Variants in PLA2G2E observed in about 807,000 individuals in gnomAD.
PLA2G2E encodes group IIE secretory phospholipase A2.
PLA2G2E carries 14 observed loss-of-function variants against 16.5 expected under a neutral mutation model. The ratio of observed to expected loss-of-function variants is 0.85; its 90% CI spans 0.56 to 1.33. The LOEUF is 1.33. Ranked by LOEUF, PLA2G2E falls within the 40% of genes most tolerant of loss-of-function variation. PLA2G2E has a pLI of 0.00. For missense variants in PLA2G2E, 174 were observed against 190.7 expected (o/e 0.91, Z 0.52); for synonymous variants, 72 against 77.2 (o/e 0.93, Z 0.36).
At chr1:19,922,528 C>G in intron 2 of PLA2G2E, 89 bp downstream of exon 2, 2 of 1,568,496 alleles carry the variant, frequency 1.3e-6, no homozygotes, top group Non-Finnish European at 1.7e-6. Flanking sequence ...TCCAGGTGCC[C>G]CCAGGCTTCC....
chr1:19,920,447 C>A lies in PLA2G2E; in HGVS notation c.289G>T (p.Gly97Cys). 6.2e-7 allele frequency: 1 copy of A among 1,613,286 alleles called. No homozygotes were observed. Among genetic ancestry groups the A allele is most frequent in the South Asian group, 1.1e-5 (1 of 91,040 alleles). Reference sequence around the variant, plus strand: ...GTCAGCCGCTGGCAGGTGGTCCTGCCGGCTGGATGGGACAAAGTGAGTCAG... The same window carrying A: ...GTCAGCCGCTGGCAGGTGGTCCTGCAGGCTGGATGGGACAAAGTGAGTCAG... ...SVSERGIFCA[G>C]RTTCQRLTCE... The change falls in exon 4 of 4, where the codon GGC becomes TGC. Residue 97 changes from glycine (G) to cysteine (C), a missense_variant and splice_region_variant. Gly to Cys is a radical substitution (Grantham distance 159). Transcript: ENST00000375116. The surrounding 1 kb of genome is among the most constrained non-coding windows in gnomAD (Gnocchi z 4.3).
chr1:19,922,673 G>A lies in PLA2G2E; in HGVS notation c.123C>T (p.Asp41=), dbSNP rs1371246499. The A allele has an allele frequency of 6.2e-7, 1 of 1,614,080 alleles. No individual in the cohort carries two copies. The highest frequency in any genetic ancestry group is 2.2e-5 in the East Asian group (1 of 44,866). Residue 41 remains aspartate, a synonymous_variant, in exon 2 of 4, where the codon GAC becomes GAT. Transcript: ENST00000375116. ...MTGKSALQYN[D]YGCYCGIGGS... ...CACCGATGCCGCAGTAACAGCCATA[G>A]TCGTTGTACTGCAGGGCGGACTTGC...
In PLA2G2E at chr1:19,920,112, T is replaced by G. The variant is rs1571197403; in HGVS notation, c.*195A>C. On this transcript the variant is annotated 3_prime_UTR_variant, in exon 4 of 4. Coordinates refer to ENST00000375116, the MANE Select transcript of PLA2G2E (RefSeq NM_014589.3). The surrounding 1 kb of genome is among the most constrained non-coding windows in gnomAD (Gnocchi z 4.3). ...AGGGTCCATGGCTCCTGGGGCAGGG[T>G]TCTTTCTACAGAGAAGGGGTAGCCT... 1.8e-6 allele frequency: 1 copy of G among 568,562 alleles called. No homozygotes were observed. Among genetic ancestry groups the G allele is most frequent in the Non-Finnish European group, 3.1e-6 (1 of 322,968 alleles). The allele number at this position is 568,562 out of a possible 1,614,324, so 35.2% of individuals were successfully genotyped here.
At position 19,922,760 on chromosome 1, in the gene PLA2G2E, A is replaced by AGAGAGGGAGAGGGAGAGGGAGGGGGAGG; in HGVS notation, c.41-6_41-5insCCTCCCCCTCCCTCTCCCTCTCCCTCTC. ...GGTTCCCGGTGACCAGAGCCACTGC[A>AGAGAGGGAGAGGGAGAGGGAGGGGGAGG]GAGAGGGAGAGGGAGAGGGAGAGGG... On this transcript the variant is annotated splice_polypyrimidine_tract_variant and splice_region_variant and intron_variant, in intron 1 of 3. Coordinates refer to ENST00000375116, the MANE Select transcript of PLA2G2E (RefSeq NM_014589.3). 1 of 1,611,958 alleles carries AGAGAGGGAGAGGGAGAGGGAGGGGGAGG rather than the reference A, an allele frequency of 6.2e-7. No individual in the cohort carries two copies. The highest frequency in any genetic ancestry group is 8.5e-7 in the Non-Finnish European group (1 of 1,179,328).
chr1:19,921,524 G>A (rs1031512976), intron 3 of PLA2G2E, among the ~76,000 whole-genome samples: 1 of 152,168 alleles, frequency 6.6e-6, no homozygotes, highest in Non-Finnish European at 1.5e-5. Flanking sequence ...GACTCCCAGC[G>A]ACAGAGACTC....
chr1:19,922,443 C>A, intron 2 of PLA2G2E, 39 bp from the exon 3 acceptor site: 1 of 1,593,150 alleles, frequency 6.3e-7, no homozygotes, highest in Non-Finnish European at 8.6e-7. Context: ...ACCTGTGAGC[C>A]AGGCTGGGCT....
chr1:19,923,565 G>T lies in PLA2G2E; in HGVS notation c.-6C>A, dbSNP rs565307904. The T allele has an allele frequency of 1.3e-5, 20 of 1,550,320 alleles. No homozygotes were observed. The African/African-American group carries it at 1.6e-4, about 13-fold the overall frequency. On this transcript the variant is annotated 5_prime_UTR_variant, in exon 1 of 4. Transcript: ENST00000375116. ...AGCACGTGGGGAGATTTCATCCCAGGTTGGGGGGAAGGGAGGTGCACAAGG... is the reference window on the plus strand; with the variant it reads ...AGCACGTGGGGAGATTTCATCCCAGTTTGGGGGGAAGGGAGGTGCACAAGG...
intron 3 of PLA2G2E, 124 bp downstream of exon 3, chr1:19,922,174 C>A (rs956052621): frequency 6.1e-6 from 4 of 660,642 alleles, no homozygotes; most frequent in African/African-American, 5.5e-5. Context: ...AAACCCCATG[C>A]CTCCAGCCCA....
At position 19,923,389 on chromosome 1, in the gene PLA2G2E, G is replaced by T. The variant is rs925298726; in HGVS notation, c.40+131C>A. The T allele has an allele frequency of 6.3e-5, 48 of 766,996 alleles. No homozygotes were observed. The African/African-American group carries it at 7.7e-4, about 12-fold the overall frequency. The allele number at this position is 766,996 out of a possible 1,614,324, so 47.5% of individuals were successfully genotyped here. A position where few individuals can be genotyped will look rare whatever the true frequency, so the allele number is the denominator to read the frequency against. ...GCAAAACTGGCCTCAGGGTCACCCT[G>T]GTGGCAGGAAGGGGGCAGCCTCCAG... On this transcript the variant is annotated intron_variant, in intron 1 of 3. Coordinates refer to ENST00000375116, the MANE Select transcript of PLA2G2E (RefSeq NM_014589.3).
chr1:19,922,925 G>T lies in PLA2G2E; in HGVS notation c.41-170C>A, dbSNP rs144685147. 1.6e-3 allele frequency among the ~76,000 whole-genome samples: 242 copies of T among 152,130 alleles called. 3 individuals are homozygous for T. Among genetic ancestry groups the T allele is most frequent in the Non-Finnish European group, 9.4e-4 (64 of 67,994 alleles). On this transcript the variant is annotated intron_variant, in intron 1 of 3. Transcript: ENST00000375116. ...AACCGTGGTAATAAGTAATAATATT[G>T]CCAGTGACATCCGTTGCACCTTCAT... is the stretch of plus-strand genomic sequence containing the variant.
intron 3 of PLA2G2E, among the ~76,000 whole-genome samples, chr1:19,921,863 T>A (rs1461109668): frequency 6.6e-6 from 1 of 152,200 alleles, no homozygotes; most frequent in African/African-American, 2.4e-5. Context: ...AGCCTGACAG[T>A]CCCATTGAGG....
Position 19,920,730 on chromosome 1 carries a change from G to A in PLA2G2E, c.287-281C>T, listed in dbSNP as rs2045807732. On this transcript the variant is annotated intron_variant, in intron 3 of 3. Coordinates refer to ENST00000375116, the MANE Select transcript of PLA2G2E (RefSeq NM_014589.3). This position sits in a 1 kb window ranked among gnomAD's most constrained non-coding sequence, Gnocchi z 4.3. ...CTCTCTCCGGCCTTAGGGACACCAC[G>A]TGGTTCCCTAACTCTCACTGCCCCC... Among the ~76,000 whole-genome samples, 1 of 152,142 alleles carries A rather than the reference G, an allele frequency of 6.6e-6. No individual in the cohort carries two copies. Among genetic ancestry groups the A allele is most frequent in the African/African-American group, 2.4e-5 (1 of 41,434 alleles).
intron 1 of PLA2G2E, 46 bp downstream of exon 1, chr1:19,923,474 G>C: frequency 6.6e-7 from 1 of 1,515,712 alleles, no homozygotes; most frequent in Non-Finnish European, 8.9e-7. Flanking sequence ...GGGAGCTTGG[G>C]GTTGCCAGAT....
chr1:19,922,336 T>C lies in PLA2G2E; in HGVS notation c.248A>G (p.Lys83Arg). 1 of 1,614,048 alleles carries C rather than the reference T, an allele frequency of 6.2e-7. No individual in the cohort carries two copies. The highest frequency in any genetic ancestry group is 8.5e-7 in the Non-Finnish European group (1 of 1,179,926). Residue 83 changes from lysine to arginine, a missense_variant, in exon 3 of 4, where the codon AAG becomes AGG. Transcript: ENST00000375116. Reference sequence around the variant, plus strand: ...ACGTTCGCTGACAGAGAAAAGATACTTTTCCAGTTTGGGCTCACAGCCCAG... The same window carrying C: ...ACGTTCGCTGACAGAGAAAAGATACCTTTCCAGTTTGGGCTCACAGCCCAG... ...EKLGCEPKLEKYLFSVSERGI... is the reference protein window; with the variant it reads ...EKLGCEPKLERYLFSVSERGI...
Position 19,922,417 on chromosome 1 carries a change from T to A in PLA2G2E, c.180-13A>T, listed in dbSNP as rs761679302. On this transcript the variant is annotated splice_polypyrimidine_tract_variant and intron_variant, in intron 2 of 3. Coordinates refer to ENST00000375116, the MANE Select transcript of PLA2G2E (RefSeq NM_014589.3). ...GGCGTGGCAGCACCTGTAAGGGTCA[T>A]GGTTGACCTGGAGGGACCTGTGAGC... is the stretch of plus-strand genomic sequence containing the variant. 2.5e-6 allele frequency: 4 copies of A among 1,610,282 alleles called. No homozygotes were observed. The Admixed American group carries it at 6.7e-5, about 27-fold the overall frequency.
chr1:19,922,676 G>T lies in PLA2G2E; in HGVS notation c.120C>A (p.Asn40Lys), dbSNP rs145303802. 2 of 1,613,984 alleles carry T rather than the reference G, an allele frequency of 1.2e-6. No homozygotes were observed. The highest frequency in any genetic ancestry group is 3.3e-5 in the Admixed American group (2 of 60,010). The change falls in exon 2 of 4, where the codon AAC becomes AAA. Residue 40 changes from asparagine (N) to lysine (K), a missense_variant. By Grantham distance (94) the Asn-to-Lys change is moderately conservative. Coordinates refer to ENST00000375116, the MANE Select transcript of PLA2G2E (RefSeq NM_014589.3). ...CGATGCCGCAGTAACAGCCATAGTC[G>T]TTGTACTGCAGGGCGGACTTGCCTG... Reference protein sequence around the residue: ...KMTGKSALQYNDYGCYCGIGG... With the variant: ...KMTGKSALQYKDYGCYCGIGG...
At position 19,923,608 on chromosome 1, in the gene PLA2G2E, A is replaced by G. The variant is rs1267049517; in HGVS notation, c.-49T>C. ...GCACAAGGAGCATAAAAGGCAGCAG[A>G]AGAAAGCAGCAGGGCCACCTCTGAT... is the stretch of plus-strand genomic sequence containing the variant. On this transcript the variant is annotated 5_prime_UTR_variant, in exon 1 of 4. Coordinates refer to ENST00000375116, the MANE Select transcript of PLA2G2E (RefSeq NM_014589.3). 2 of 1,518,148 alleles carry G rather than the reference A, an allele frequency of 1.3e-6. No individual in the cohort carries two copies. Among genetic ancestry groups the G allele is most frequent in the Non-Finnish European group, 1.8e-6 (2 of 1,122,994 alleles). 94.0% of individuals were successfully genotyped at this position (1,518,148 alleles called of 1,614,324 possible). A position where few individuals can be genotyped will look rare whatever the true frequency, so the allele number is the denominator to read the frequency against.
In PLA2G2E at chr1:19,922,742, G is replaced by A. The variant is rs146848577; in HGVS notation, c.54C>T (p.Thr18=). 110 of 1,613,276 alleles carry A rather than the reference G, an allele frequency of 6.8e-5. No individual in the cohort carries two copies. The African/African-American group carries it at 8.6e-4, about 13-fold the overall frequency. ...VFLCLLVALV[T]GNLVQFGVMI... ...TCACCCCAAACTGAACCAGGTTCCC[G>A]GTGACCAGAGCCACTGCAGAGAGGG... is the stretch of plus-strand genomic sequence containing the variant. The change falls in exon 2 of 4, where the codon ACC becomes ACT. Residue 18 remains threonine, a synonymous_variant. Coordinates refer to ENST00000375116, the MANE Select transcript of PLA2G2E (RefSeq NM_014589.3).
At chr1:19,923,414 G>C in intron 1 of PLA2G2E, 106 bp downstream of exon 1, 1 of 980,744 alleles carries the variant, frequency 1.0e-6, no homozygotes, top group South Asian at 1.7e-5. Flanking sequence ...GCAGCCTCCA[G>C]TGTTTGGCAT....
Sources: gnomAD v4.1 joint callset for allele counts (sites outside exome capture counted in the v4.1 genomes callset) on GRCh38, gnomAD v4.1.1 for gene constraint, Gnocchi (gnomAD v3.1) non-coding constraint, MANE v1.5 for transcripts, NCBI Gene and HGNC (gene_info 2026-07-23, HGNC 2026-07-21) for gene names.